The following PPRC1 variants were observed in gnomAD, a reference collection of about 807,000 sequenced individuals.
The protein encoded by PPRC1 is PPARG related coactivator 1, also known as peroxisome proliferator-activated receptor gamma coactivator-related protein 1.
In PPRC1, 23 loss-of-function variants were observed where a neutral mutation model predicts 132.5. That is an observed-to-expected ratio of 0.17 (90% CI 0.12 to 0.25). PPRC1 has a LOEUF of 0.25. Ranked by LOEUF, PPRC1 falls within the 10% of genes least tolerant of loss-of-function variation. PPRC1 has a pLI of 1.00. For missense variants in PPRC1, 2,006 were observed against 2,089.1 expected (o/e 0.96, Z 0.78); for synonymous variants, 872 against 833.5 (o/e 1.05, Z -0.80).
Position 102,143,036 on chromosome 10 carries a change from C to G in PPRC1, c.3497-9C>G. ...CTCGTTTTCAATCCTGTGTTGTGTG[C>G]CTCCACAGGAATTGAGGCATCGGAC... On this transcript the variant is annotated splice_polypyrimidine_tract_variant and intron_variant, in intron 5 of 13. Coordinates refer to ENST00000278070, the MANE Select transcript of PPRC1 (RefSeq NM_015062.5). 6.2e-7 allele frequency: 1 copy of G among 1,610,658 alleles called. No homozygotes were observed. The highest frequency in any genetic ancestry group is 8.5e-7 in the Non-Finnish European group (1 of 1,177,258).
intron 9 of PPRC1, among the ~76,000 whole-genome samples, chr10:102,147,885 T>C (rs1173666145): frequency 6.6e-6 from 1 of 152,190 alleles, no homozygotes; most frequent in Non-Finnish European, 1.5e-5. Context: ...TGAAGAATTC[T>C]TGGGTTTTGG....
At chr10:102,136,620 ATTTC>A (rs916968471) in intron 1 of PPRC1, among the ~76,000 whole-genome samples, 7 of 152,232 alleles carry the variant, frequency 4.6e-5, no homozygotes, top group Admixed American at 1.3e-4. Flanking sequence ...TTTATTATTA[ATTTC>A]TTATTGTGCT....
At position 102,141,129 on chromosome 10, in the gene PPRC1, C is replaced by T. The variant is rs748873487; in HGVS notation, c.2621C>T (p.Ser874Leu). 8.1e-6 allele frequency: 13 copies of T among 1,613,862 alleles called. No homozygotes were observed. The highest frequency in any genetic ancestry group is 1.1e-5 in the South Asian group (1 of 91,086). The change falls in exon 5 of 14, where the codon TCG (serine) becomes TTG (leucine). Residue 874 changes from serine to leucine, a missense_variant. By Grantham distance (145) the Ser-to-Leu change is moderately radical. This residue lies in a region of PPRC1 where 1,914 missense variants were observed against 1,917.2 expected (regional missense o/e 1.00). Transcript: ENST00000278070. ...SVSPAVPTPPSMSAALPFPAG... is the reference protein window; with the variant it reads ...SVSPAVPTPPLMSAALPFPAG... ...TCCCCTGCTGTGCCCACACCTCCCTCGATGTCTGCTGCCCTGCCTTTCCCT... is the reference window on the plus strand; with the variant it reads ...TCCCCTGCTGTGCCCACACCTCCCTTGATGTCTGCTGCCCTGCCTTTCCCT...
In PPRC1 at chr10:102,140,423, T is replaced by TCAG. The variant is rs1324816785; in HGVS notation, c.1922_1924dup (p.Ala641dup). ...GCTGATCAACCCAGTCCTGGCTGAC[T>TCAG]CAGCAGCAGTTGACCCTGCAGTGGT... On this transcript the variant is annotated inframe_insertion, in exon 5 of 14. Coordinates refer to ENST00000278070, the MANE Select transcript of PPRC1 (RefSeq NM_015062.5). 1 of 1,614,182 alleles carries TCAG rather than the reference T, an allele frequency of 6.2e-7. No individual in the cohort carries two copies. Among genetic ancestry groups the TCAG allele is most frequent in the Admixed American group, 1.7e-5 (1 of 60,026 alleles).
chr10:102,139,252 A>G lies in PPRC1; in HGVS notation c.744A>G (p.Glu248=), dbSNP rs1186573755. ...CCCAGCAGCGCAGTGATGGAGAAGA[A>G]GAGGAGGAGGTGGCCAGCTTCAGTG... ...PPPQQRSDGE[E]EEEVASFSGQ... is the part of the protein sequence containing the mutation. The change falls in exon 5 of 14, where the codon GAA becomes GAG. Residue 248 remains glutamate (E), a synonymous_variant. Transcript: ENST00000278070. 3.1e-6 allele frequency: 5 copies of G among 1,614,044 alleles called. No individual in the cohort carries two copies. The highest frequency in any genetic ancestry group is 1.7e-5 in the Admixed American group (1 of 59,992).
At position 102,148,121 on chromosome 10, in the gene PPRC1, A is replaced by G. The variant is rs540749561; in HGVS notation, c.4401-251A>G. On this transcript the variant is annotated intron_variant, in intron 9 of 13. Transcript: ENST00000278070. This position sits in a 1 kb window ranked among gnomAD's most constrained non-coding sequence, Gnocchi z 4.2. ...TTTCTGATTTGTTAAATATTTTTCAATTTTTAAGTGCACAATTGAAAATGT... is the reference window on the plus strand; with the variant it reads ...TTTCTGATTTGTTAAATATTTTTCAGTTTTTAAGTGCACAATTGAAAATGT... 6.6e-6 allele frequency among the ~76,000 whole-genome samples: 1 copy of G among 152,104 alleles called. No individual in the cohort carries two copies. Among genetic ancestry groups the G allele is most frequent in the African/African-American group, 2.4e-5 (1 of 41,418 alleles).
In PPRC1 at chr10:102,140,003, A is replaced by G. The variant is rs1468345418; in HGVS notation, c.1495A>G (p.Asn499Asp). 1 of 1,614,110 alleles carries G rather than the reference A, an allele frequency of 6.2e-7. No homozygotes were observed. Among genetic ancestry groups the G allele is most frequent in the Non-Finnish European group, 8.5e-7 (1 of 1,180,050 alleles). ...VGTEVTSQVDNLQKQPQEELQ... is the reference protein window; with the variant it reads ...VGTEVTSQVDDLQKQPQEELQ... ...TACAGAAGTGACCTCTCAGGTAGAC[A>G]ACTTGCAGAAACAGCCTCAGGAAGA... Residue 499 changes from asparagine (N) to aspartate (D), a missense_variant, in exon 5 of 14, where the codon AAC (asparagine) becomes GAC (aspartate). By Grantham distance (23) the Asn-to-Asp change is conservative. This residue lies in a region of PPRC1 where 1,914 missense variants were observed against 1,917.2 expected (regional missense o/e 1.00). Coordinates refer to ENST00000278070, the MANE Select transcript of PPRC1 (RefSeq NM_015062.5).
At position 102,140,165 on chromosome 10, in the gene PPRC1, G is replaced by T. The variant is rs746746156; in HGVS notation, c.1657G>T (p.Gly553Cys). 6.2e-7 allele frequency: 1 copy of T among 1,614,204 alleles called. No homozygotes were observed. The highest frequency in any genetic ancestry group is 1.1e-5 in the South Asian group (1 of 91,084). Residue 553 changes from glycine (G) to cysteine (C), a missense_variant, in exon 5 of 14, where the codon GGC becomes TGC. Around this residue, in one of 2 missense-constraint regions of PPRC1, gnomAD observed 1,914 missense variants for 1,917.2 expected, o/e 1.00. Coordinates refer to ENST00000278070, the MANE Select transcript of PPRC1 (RefSeq NM_015062.5). ...TGGACAAAGTAGTCCTGCTAAAGAAGGCCCTCTAGACCTCTACCCAAAGCT... is the reference window on the plus strand; with the variant it reads ...TGGACAAAGTAGTCCTGCTAAAGAATGCCCTCTAGACCTCTACCCAAAGCT... ...SAGQSSPAKE[G>C]PLDLYPKLAD...
At position 102,140,136 on chromosome 10, in the gene PPRC1, G is replaced by T; in HGVS notation, c.1628G>T (p.Ser543Ile). The change falls in exon 5 of 14, where the codon AGT (serine) becomes ATT (isoleucine). Residue 543 changes from serine to isoleucine, a missense_variant. Physicochemically the swap from Ser to Ile is moderately radical, Grantham distance 142. Coordinates refer to ENST00000278070, the MANE Select transcript of PPRC1 (RefSeq NM_015062.5). ...TCTAGCCCTAAGAACTTGGAGAGAA[G>T]TGCTGGACAAAGTAGTCCTGCTAAA... ...ENSSPKNLER[S>I]AGQSSPAKEG... is the part of the protein sequence containing the mutation. 6.2e-7 allele frequency: 1 copy of T among 1,614,268 alleles called. No homozygotes were observed. The highest frequency in any genetic ancestry group is 2.2e-5 in the East Asian group (1 of 44,888).
At position 102,140,364 on chromosome 10, in the gene PPRC1, C is replaced by T. The variant is rs762029936; in HGVS notation, c.1856C>T (p.Ser619Leu). Reference protein sequence around the residue: ...PGLVDLASTSSELVEPLPAEP... With the variant: ...PGLVDLASTSLELVEPLPAEP... ...TTGGTTGACCTTGCTTCAACCAGCTCAGAACTGGTTGAGCCTCTCCCGGCT... is the reference window on the plus strand; with the variant it reads ...TTGGTTGACCTTGCTTCAACCAGCTTAGAACTGGTTGAGCCTCTCCCGGCT... Residue 619 changes from serine to leucine, a missense_variant, in exon 5 of 14, where the codon TCA becomes TTA. Ser to Leu is a moderately radical substitution (Grantham distance 145). Transcript: ENST00000278070. 3 of 1,614,170 alleles carry T rather than the reference C, an allele frequency of 1.9e-6. No homozygotes were observed. Among genetic ancestry groups the T allele is most frequent in the Admixed American group, 1.7e-5 (1 of 60,020 alleles).
the PPRC1 span, among the ~76,000 whole-genome samples, chr10:102,125,043 G>A: frequency 6.6e-6 from 1 of 152,070 alleles, no homozygotes; most frequent in Admixed American, 6.6e-5. Context: ...TCAGCCTTCT[G>A]AATGTCTGGG....
intron 9 of PPRC1, 21 bp downstream of exon 9, chr10:102,147,413 A>T: frequency 6.3e-7 from 1 of 1,583,280 alleles, no homozygotes; most frequent in Non-Finnish European, 8.6e-7. Context: ...ATGGCCCTGT[A>T]GGTCCTCTCC....
intron 7 of PPRC1, chr10:102,144,606 A>G: frequency 4.0e-6 from 2 of 504,320 alleles, no homozygotes; most frequent in Admixed American, 7.5e-5. Context: ...TTCATTTAAT[A>G]ACACTTCAAG....
intron 8 of PPRC1, 152 bp downstream of exon 8, chr10:102,145,242 CGAAT>C (rs1564952421): frequency 1.4e-6 from 1 of 737,164 alleles, no homozygotes; most frequent in East Asian, 2.8e-5. Flanking sequence ...GACTTGTAAA[CGAAT>C]GAGCATGTTG....
In PPRC1 at chr10:102,141,600, C is replaced by T. The variant is rs200137178; in HGVS notation, c.3092C>T (p.Pro1031Leu). ...TPAGPPENVLPLSMAPPLSLG... is the reference protein window; with the variant it reads ...TPAGPPENVLLLSMAPPLSLG... ...GCTGGCCCTCCTGAAAATGTACTTC[C>T]CTTGTCGATGGCTCCTCCCCTCAGT... The change falls in exon 5 of 14, where the codon CCC becomes CTC. Residue 1031 changes from proline (P) to leucine (L), a missense_variant. Transcript: ENST00000278070. 107 of 1,614,156 alleles carry T rather than the reference C, an allele frequency of 6.6e-5. No individual in the cohort carries two copies. The highest frequency in any genetic ancestry group is 3.3e-4 in the Middle Eastern group (2 of 6,062).
Position 102,141,263 on chromosome 10 carries a change from C to T in PPRC1, c.2755C>T (p.Pro919Ser), listed in dbSNP as rs2068963863. The T allele has an allele frequency of 1.2e-6, 2 of 1,614,012 alleles. No homozygotes were observed. The highest frequency in any genetic ancestry group is 1.3e-5 in the African/African-American group (1 of 74,914). ...VLPDPFTHYA[P>S]LPSWPCYPHV... Reference sequence around the variant, plus strand: ...ACCTGATCCGTTTACTCACTATGCCCCCTTGCCATCCTGGCCTTGTTATCC... The same window carrying T: ...ACCTGATCCGTTTACTCACTATGCCTCCTTGCCATCCTGGCCTTGTTATCC... The change falls in exon 5 of 14, where the codon CCC (proline) becomes TCC (serine). Residue 919 changes from proline (P) to serine (S), a missense_variant. Around this residue, in one of 2 missense-constraint regions of PPRC1, gnomAD observed 1,914 missense variants for 1,917.2 expected, o/e 1.00. Transcript: ENST00000278070.
At chr10:102,120,759 C>T in the PPRC1 span, among the ~76,000 whole-genome samples, 2 of 152,102 alleles carry the variant, frequency 1.3e-5, no homozygotes, top group African/African-American at 2.4e-5. Context: ...GTCCGTCCTC[C>T]GGGTGCCGCC....
rs117474434 is a variant in PPRC1 at position 102,148,328 on chromosome 10, C to T, written c.4401-44C>T. On this transcript the variant is annotated intron_variant, in intron 9 of 13. Transcript: ENST00000278070. The surrounding 1 kb of genome is among the most constrained non-coding windows in gnomAD (Gnocchi z 4.2). Reference sequence around the variant, plus strand: ...GCCTGGGTGAGATAAGCAGAGTATACCTGAACCACTCCCAGCATTCCTGCA... The same window carrying T: ...GCCTGGGTGAGATAAGCAGAGTATATCTGAACCACTCCCAGCATTCCTGCA... The T allele has an allele frequency of 7.7e-3, 12,387 of 1,600,816 alleles. 121 individuals are homozygous for T. Among genetic ancestry groups the T allele is most frequent in the East Asian group, 0.05 (2,228 of 44,838 alleles).
Position 102,142,852 on chromosome 10 carries a change from G to A in PPRC1, c.3497-193G>A, listed in dbSNP as rs2069056545. 1.5e-5 allele frequency: 7 copies of A among 480,732 alleles called. No homozygotes were observed. The South Asian group carries it at 2.7e-4, about 18-fold the overall frequency. The allele number at this position is 480,732 out of a possible 1,614,324, so 29.8% of individuals were successfully genotyped here. A position where few individuals can be genotyped will look rare whatever the true frequency, so the allele number is the denominator to read the frequency against. ...CAGGTGTGTGCCACCGTGCCTGGCT[G>A]TGGAGGGTTCTTCAGAGGCAGAGCC... On this transcript the variant is annotated intron_variant, in intron 5 of 13. Coordinates refer to ENST00000278070, the MANE Select transcript of PPRC1 (RefSeq NM_015062.5).
Sources: allele counts gnomAD v4.1 joint callset (sites outside exome capture counted in the v4.1 genomes callset), GRCh38; gene constraint gnomAD v4.1.1; regional missense constraint gnomAD v4.1.1; non-coding constraint Gnocchi (gnomAD v3.1); transcripts MANE v1.5; gene names NCBI Gene and HGNC (gene_info 2026-07-23, HGNC 2026-07-21).